The following IL1A variants were observed in gnomAD, a reference collection of about 807,000 sequenced individuals.
The protein encoded by IL1A is interleukin-1 alpha.
A neutral mutation model predicts 22.2 loss-of-function variants in IL1A; 16 were observed. The observed-to-expected ratio is 0.72, with a 90% CI of 0.49 to 1.09. The LOEUF is 1.09. Ranked by LOEUF, IL1A falls within the 50% of genes least tolerant of loss-of-function variation. The pLI is 0.00. For missense variants in IL1A, 317 were observed against 321.8 expected (o/e 0.99, Z 0.11); for synonymous variants, 113 against 118.5 (o/e 0.95, Z 0.30).
intron 4 of IL1A, 36 bp from the exon 5 acceptor site, chr2:112,779,702 TG>T: frequency 2.6e-6 from 4 of 1,528,326 alleles, no homozygotes; most frequent in Non-Finnish European, 3.6e-6. Flanking sequence ...TTAATGTCTA[TG>T]TACAAACACA....
At position 112,781,520 on chromosome 2, in the gene IL1A, C is replaced by G. The variant is rs373905522; in HGVS notation, c.319+84G>C. The G allele has an allele frequency of 2.4e-4, 245 of 1,039,936 alleles. 2 individuals are homozygous for G. The African/African-American group carries it at 3.2e-3, about 14-fold the overall frequency. The allele number at this position is 1,039,936 out of a possible 1,614,324, so 64.4% of individuals were successfully genotyped here. On this transcript the variant is annotated intron_variant, in intron 4 of 6. Transcript: ENST00000263339. ...TGGTTGTCTTCTTGTTATTCTGACTCCACGTTTAATTTTCCCCTAAATTCT... is the reference window on the plus strand; with the variant it reads ...TGGTTGTCTTCTTGTTATTCTGACTGCACGTTTAATTTTCCCCTAAATTCT...
At chr2:112,784,348 G>A (rs2856837) in intron 1 of IL1A, 95 bp downstream of exon 1, 40,366 of 152,430 alleles carry the variant, frequency 0.26, 5,568 homozygotes, top group Middle Eastern at 0.36. Flanking sequence ...GAAAGGAGAG[G>A]CTGTAGCTTT....
chr2:112,781,485 G>A, intron 4 of IL1A, 119 bp downstream of exon 4: 3 of 815,766 alleles, frequency 3.7e-6, no homozygotes, highest in Non-Finnish European at 6.4e-6. Flanking sequence ...ATAGTTACCA[G>A]ACTAATGCTT....
At chr2:112,779,923 C>T (rs566072336) in intron 4 of IL1A, among the ~76,000 whole-genome samples, 1 of 152,158 alleles carries the variant, frequency 6.6e-6, no homozygotes, top group Non-Finnish European at 1.5e-5. Context: ...ACTATTTGTG[C>T]AACTTTTTCA....
Position 112,778,089 on chromosome 2 carries a change from A to G in IL1A, c.513T>C (p.Tyr171=), listed in dbSNP as rs1374577431. ...TTTTAGCATCATCCTTTGATGACTT[A>G]TAAGCACCCATGTCAAATTTCACTG... ...DEAVKFDMGA[Y]KSSKDDAKIT... is the part of the protein sequence containing the mutation. Residue 171 remains tyrosine, a synonymous_variant, in exon 6 of 7, where the codon TAT becomes TAC. Coordinates refer to ENST00000263339, the MANE Select transcript of IL1A (RefSeq NM_000575.5). The G allele has an allele frequency of 3.1e-6, 5 of 1,613,578 alleles. No homozygotes were observed. The highest frequency in any genetic ancestry group is 3.3e-5 in the Admixed American group (2 of 59,966).
rs1382404491 is a variant in IL1A at position 112,782,813 on chromosome 2, T to C, written c.48-49A>G. 2.9e-6 allele frequency: 4 copies of C among 1,381,552 alleles called. No homozygotes were observed. In the East Asian group the frequency reaches 6.9e-5, roughly 24 times the overall value. The allele number at this position is 1,381,552 out of a possible 1,614,324, so 85.6% of individuals were successfully genotyped here. A position where few individuals can be genotyped will look rare whatever the true frequency, so the allele number is the denominator to read the frequency against. On this transcript the variant is annotated intron_variant, in intron 2 of 6. Coordinates refer to ENST00000263339, the MANE Select transcript of IL1A (RefSeq NM_000575.5). ...TGTAATTGTTGTTATTTCAGTGTGG[T>C]CTCTGGCCAATGTACTTTAATGACC...
At chr2:112,780,298 AT>A (rs1490513446) in intron 4 of IL1A, among the ~76,000 whole-genome samples, 3 of 152,242 alleles carry the variant, frequency 2.0e-5, no homozygotes, top group Non-Finnish European at 4.4e-5. Flanking sequence ...TGTTAGACAT[AT>A]TTGTTCACAT....
rs753043970 is a variant in IL1A at position 112,781,603 on chromosome 2, C to T, written c.319+1G>A. The T allele has an allele frequency of 1.2e-6, 2 of 1,610,842 alleles. No homozygotes were observed. Among genetic ancestry groups the T allele is most frequent in the Non-Finnish European group, 1.7e-6 (2 of 1,176,972 alleles). Reference sequence around the variant, plus strand: ...AGATATTATTGTGCTTGACCCCTTACCTTCCTCTGAGTCATTGGCGATGGC... The same window carrying T: ...AGATATTATTGTGCTTGACCCCTTATCTTCCTCTGAGTCATTGGCGATGGC... On this transcript the variant is annotated splice_donor_variant, in intron 4 of 6. Transcript: ENST00000263339. LOFTEE classifies it high-confidence loss of function.
At chr2:112,783,690 C>T (rs773528399) in intron 2 of IL1A, 34 bp downstream of exon 2, 18 of 1,582,398 alleles carry the variant, frequency 1.1e-5, no homozygotes, top group Non-Finnish European at 1.4e-5. Context: ...TTGAAACCCT[C>T]ATTAAATCAC....
chr2:112,774,104 A>C lies in IL1A; in HGVS notation c.*963T>G, dbSNP rs950734835. 1.3e-5 allele frequency: 2 copies of C among 149,696 alleles called. No individual in the cohort carries two copies. The highest frequency in any genetic ancestry group is 5.0e-5 in the African/African-American group (2 of 40,228). The allele number at this position is 149,696 out of a possible 1,614,324, so 9.3% of individuals were successfully genotyped here. A position where few individuals can be genotyped will look rare whatever the true frequency, so the allele number is the denominator to read the frequency against. ...ATGGTTGTCAAAGTTGAGTTCATCT[A>C]ATTTTAGCTTGTAGGACTTGATTGC... On this transcript the variant is annotated 3_prime_UTR_variant, in exon 7 of 7. Coordinates refer to ENST00000263339, the MANE Select transcript of IL1A (RefSeq NM_000575.5).
chr2:112,779,348 G>C, intron 5 of IL1A, 148 bp downstream of exon 5: 1 of 544,754 alleles, frequency 1.8e-6, no homozygotes, highest in African/African-American at 1.9e-5. Context: ...TTTTATGGGG[G>C]TGCTGTGCTT....
chr2:112,774,586 A>G lies in IL1A; in HGVS notation c.*481T>C, dbSNP rs868160004. 2.0e-5 allele frequency: 3 copies of G among 153,426 alleles called. No individual in the cohort carries two copies. The highest frequency in any genetic ancestry group is 1.5e-5 in the Non-Finnish European group (1 of 68,896). 9.5% of individuals were successfully genotyped at this position (153,426 alleles called of 1,614,324 possible). On this transcript the variant is annotated 3_prime_UTR_variant, in exon 7 of 7. Coordinates refer to ENST00000263339, the MANE Select transcript of IL1A (RefSeq NM_000575.5). Reference sequence around the variant, plus strand: ...GGAAGGCTTAGGTATTATTCCCTCCATTTTGAAAATGATAAAACTGAGGTC... The same window carrying G: ...GGAAGGCTTAGGTATTATTCCCTCCGTTTTGAAAATGATAAAACTGAGGTC...
At chr2:112,783,641 T>C (rs1681252243) in intron 2 of IL1A, 83 bp downstream of exon 2, 1 of 1,151,484 alleles carries the variant, frequency 8.7e-7, no homozygotes, top group African/African-American at 1.5e-5. Context: ...CCTGCCCCCA[T>C]GCTGGCCACT....
At chr2:112,784,137 A>C (rs1681260683) in intron 1 of IL1A, among the ~76,000 whole-genome samples, 1 of 152,230 alleles carries the variant, frequency 6.6e-6, no homozygotes, top group African/African-American at 2.4e-5. Context: ...GGAAATTTTC[A>C]ATTTTCTCCT....
At chr2:112,779,172 G>A (rs894990495) in intron 5 of IL1A, among the ~76,000 whole-genome samples, 3 of 152,134 alleles carry the variant, frequency 2.0e-5, no homozygotes, top group African/African-American at 7.2e-5. Context: ...CATTTAATAT[G>A]TCTGACAGTT....
chr2:112,781,487 C>G, intron 4 of IL1A, 117 bp downstream of exon 4: 1 of 825,382 alleles, frequency 1.2e-6, no homozygotes, highest in Non-Finnish European at 2.1e-6. Flanking sequence ...AGTTACCAGA[C>G]TAATGCTTGG....
intron 3 of IL1A, 120 bp from the exon 4 acceptor site, chr2:112,781,946 C>G (rs192578877): frequency 2.1e-4 from 143 of 676,276 alleles, no homozygotes; most frequent in Admixed American, 1.7e-3. Context: ...TCTTAGGTAA[C>G]TGGTGTTTCA....
Position 112,781,666 on chromosome 2 carries a change from A to G in IL1A, c.257T>C (p.Leu86Ser), listed in dbSNP as rs774536670. ...ATCAGTGATGGATTGGCTTAAACTC[A>G]ACCGTCTCTTCTTCAGAACCTTCCC... The part of the protein sequence containing the change: ...TNGKVLKKRR[L>S]SLSQSITDDD... The change falls in exon 4 of 7, where the codon TTG (leucine) becomes TCG (serine). Residue 86 changes from leucine to serine, a missense_variant. Physicochemically the swap from Leu to Ser is moderately radical, Grantham distance 145 (BLOSUM62 -2). Transcript: ENST00000263339. 4 of 1,614,192 alleles carry G rather than the reference A, an allele frequency of 2.5e-6. No individual in the cohort carries two copies. In the South Asian group the frequency reaches 4.4e-5, roughly 18 times the overall value.
chr2:112,778,973 A>G (rs1008324421), intron 5 of IL1A, among the ~76,000 whole-genome samples: 1 of 152,202 alleles, frequency 6.6e-6, no homozygotes, highest in African/African-American at 2.4e-5. Flanking sequence ...TGTGTGTGAT[A>G]AAAGTTTTTG....
Sources: allele counts gnomAD v4.1 joint callset (sites outside exome capture counted in the v4.1 genomes callset), GRCh38; gene constraint gnomAD v4.1.1; transcripts MANE v1.5; gene names NCBI Gene and HGNC (gene_info 2026-07-23, HGNC 2026-07-21).